The following DIP2B variants were observed in gnomAD, a reference collection of about 807,000 sequenced individuals.
DIP2B encodes the protein disco-interacting protein 2 homolog B.
In DIP2B, 76 loss-of-function variants were observed where a neutral mutation model predicts 198.0. The ratio of observed to expected loss-of-function variants is 0.38; its 90% CI spans 0.32 to 0.46. DIP2B has a LOEUF of 0.46. Among genes scored for constraint, DIP2B ranks in the 20% least tolerant of loss-of-function variants. DIP2B has a pLI of 0.99. For synonymous variants in DIP2B, 701 were observed against 739.1 expected, an observed-to-expected ratio of 0.95 and a Z score of 0.84; for missense variants, 1,559 against 1,978.4, an observed-to-expected ratio of 0.79 and a Z score of 4.02.
Position 50,505,016 on chromosome 12 carries a change from CGGCGGCGGT to C in DIP2B, c.-123_-115del. ...CCTTTGCTCATGGCGGCGGCGGCGG[CGGCGGCGGT>C]GCTGGTGGTGCTCGGCGGCCGGAGC... On this transcript the variant is annotated 5_prime_UTR_variant, in exon 1 of 38. Transcript: ENST00000301180. 4 of 979,124 alleles carry C rather than the reference CGGCGGCGGT, an allele frequency of 4.1e-6. No homozygotes were observed. The highest frequency in any genetic ancestry group is 6.0e-6 in the Non-Finnish European group (4 of 669,564). The allele number at this position is 979,124 out of a possible 1,614,324, so 60.7% of individuals were successfully genotyped here.
At chr12:50,533,068 A>G (rs1430643507) in intron 1 of DIP2B, among the ~76,000 whole-genome samples, 1 of 152,250 alleles carries the variant, frequency 6.6e-6, no homozygotes, top group Non-Finnish European at 1.5e-5. Context: ...GGAGGATGTG[A>G]CAGAGTCACA....
intron 35 of DIP2B, among the ~76,000 whole-genome samples, chr12:50,738,067 C>T (rs115332104): frequency 2.0e-3 from 302 of 152,170 alleles, no homozygotes; most frequent in African/African-American, 7.0e-3. Flanking sequence ...GGTGGCCGGG[C>T]GCAGTGGCTC....
At chr12:50,721,579 A>G (rs577718197) in intron 26 of DIP2B, among the ~76,000 whole-genome samples, 183 bp downstream of exon 26, 1 of 152,292 alleles carries the variant, frequency 6.6e-6, no homozygotes, top group South Asian at 2.1e-4. Context: ...TGTGCAGTAC[A>G]GTGGCTCTCC....
intron 29 of DIP2B, 93 bp from the exon 30 acceptor site, chr12:50,728,455 T>C: frequency 2.1e-6 from 3 of 1,433,028 alleles, no homozygotes; most frequent in South Asian, 3.1e-5. Context: ...TTGAGGAGTT[T>C]AGGGAATTGA....
chr12:50,573,259 C>T (rs1958630780), intron 1 of DIP2B, among the ~76,000 whole-genome samples: 2 of 152,260 alleles, frequency 1.3e-5, no homozygotes, highest in Non-Finnish European at 2.9e-5. Context: ...AAACAAATAA[C>T]TGCTTGAACA....
intron 3 of DIP2B, among the ~76,000 whole-genome samples, chr12:50,647,841 A>G (rs1938376664): frequency 6.6e-6 from 1 of 152,170 alleles, no homozygotes; most frequent in South Asian, 2.1e-4. Flanking sequence ...CTGGCCGGGC[A>G]CAGTGGCTCA....
At chr12:50,721,485 T>A (rs1292059477) in intron 26 of DIP2B, 89 bp downstream of exon 26, 2 of 1,556,428 alleles carry the variant, frequency 1.3e-6, no homozygotes, top group African/African-American at 2.7e-5. Context: ...AGCTACTCTC[T>A]ATGACTTGCA....
intron 3 of DIP2B, among the ~76,000 whole-genome samples, chr12:50,659,105 T>TA (rs1443169476): frequency 6.6e-6 from 1 of 152,060 alleles, no homozygotes; most frequent in Non-Finnish European, 1.5e-5. Flanking sequence ...CAGGTCAACT[T>TA]ACATAGGCTA....
chr12:50,678,456 C>A (rs1301358040), intron 7 of DIP2B, among the ~76,000 whole-genome samples: 3 of 152,136 alleles, frequency 2.0e-5, no homozygotes, highest in African/African-American at 7.2e-5. Context: ...TTGTCAGGGT[C>A]AGGATTTGTT....
intron 1 of DIP2B, among the ~76,000 whole-genome samples, chr12:50,577,494 A>G (rs1359296222): frequency 6.6e-6 from 1 of 152,136 alleles, no homozygotes; most frequent in East Asian, 1.9e-4. Flanking sequence ...AAATGGTGCC[A>G]CTGCACTCCA....
At chr12:50,731,930 G>T (rs1033659498) in intron 31 of DIP2B, among the ~76,000 whole-genome samples, 9 of 152,182 alleles carry the variant, frequency 5.9e-5, no homozygotes, top group African/African-American at 2.2e-4. Context: ...TGTGTCAAAT[G>T]ATGATCTGTC....
At chr12:50,513,415 C>A (rs1328165356) in intron 1 of DIP2B, among the ~76,000 whole-genome samples, 2 of 152,124 alleles carry the variant, frequency 1.3e-5, no homozygotes, top group Non-Finnish European at 2.9e-5. Flanking sequence ...CAGATTCAGG[C>A]AAATGCCTGT....
chr12:50,695,171 T>C (rs1939288854), intron 14 of DIP2B, 96 bp from the exon 15 acceptor site: 17 of 925,032 alleles, frequency 1.8e-5, no homozygotes, highest in Middle Eastern at 2.2e-4. Flanking sequence ...GAGTATTACT[T>C]GTATAATTAA....
chr12:50,549,490 A>G (rs1253430753), intron 1 of DIP2B, among the ~76,000 whole-genome samples: 1 of 151,216 alleles, frequency 6.6e-6, no homozygotes, highest in Non-Finnish European at 1.5e-5. Flanking sequence ...AGACCGCGCC[A>G]CTGCACTCCA....
intron 1 of DIP2B, among the ~76,000 whole-genome samples, chr12:50,522,564 C>T (rs565993319): frequency 7.9e-5 from 12 of 152,276 alleles, no homozygotes; most frequent in African/African-American, 2.9e-4. Context: ...CTGGAGAAAA[C>T]CTACACAGAC....
At chr12:50,574,890 A>G (rs753254385) in intron 1 of DIP2B, among the ~76,000 whole-genome samples, 2 of 152,202 alleles carry the variant, frequency 1.3e-5, no homozygotes, top group Non-Finnish European at 1.5e-5. Flanking sequence ...AACGATGGGA[A>G]TTTGTCCTTA....
In DIP2B at chr12:50,683,218, A is replaced by G. The variant is rs1339892883; in HGVS notation, c.1287A>G (p.Pro429=). The change falls in exon 10 of 38, where the codon CCA becomes CCG. Residue 429 remains proline (P), a synonymous_variant. Transcript: ENST00000301180. ...FYGCLLAEVI[P]VPIEVPLTRK... Reference sequence around the variant, plus strand: ...GATGCCTCCTGGCAGAAGTGATTCCAGTGCCTATAGAGGTACCTCTTACCA... The same window carrying G: ...GATGCCTCCTGGCAGAAGTGATTCCGGTGCCTATAGAGGTACCTCTTACCA... 7.4e-6 allele frequency: 12 copies of G among 1,612,594 alleles called. No individual in the cohort carries two copies. Among genetic ancestry groups the G allele is most frequent in the Non-Finnish European group, 9.3e-6 (11 of 1,179,588 alleles).
chr12:50,564,270 G>A (rs1427894030), intron 1 of DIP2B, among the ~76,000 whole-genome samples: 6 of 151,980 alleles, frequency 3.9e-5, no homozygotes, highest in Non-Finnish European at 7.4e-5. Flanking sequence ...TTGTTCTTTC[G>A]GTGATGGACA....
chr12:50,609,755 GAA>G (rs1270701656), intron 1 of DIP2B, among the ~76,000 whole-genome samples: 2 of 152,194 alleles, frequency 1.3e-5, no homozygotes, highest in Non-Finnish European at 2.9e-5. Flanking sequence ...GAAGATAAAA[GAA>G]GAGATAGGAT....
Sources: gnomAD v4.1 joint callset for allele counts (sites outside exome capture counted in the v4.1 genomes callset) on GRCh38, gnomAD v4.1.1 for gene constraint, MANE v1.5 for transcripts, NCBI Gene and HGNC (gene_info 2026-07-23, HGNC 2026-07-21) for gene names.